Variants in CNTLN observed in about 807,000 individuals in gnomAD.
CNTLN encodes centlein, centrosomal protein.
Under a neutral mutation model 180.0 loss-of-function variants are expected in CNTLN, and 212 were observed. The observed-to-expected ratio is 1.18, with a 90% CI of 1.05 to 1.32. CNTLN has a LOEUF of 1.32. CNTLN is among the 40% of genes most tolerant of loss of function. CNTLN has a pLI of 0.00. For missense variants in CNTLN, 2,095 were observed against 1,610.9 expected, an observed-to-expected ratio of 1.30 and a Z score of -5.14; for synonymous variants, 722 against 563.1, an observed-to-expected ratio of 1.28 and a Z score of -3.99.
intron 2 of CNTLN, among the ~76,000 whole-genome samples, chr9:17,203,388 T>G (rs1435164434): frequency 6.6e-6 from 1 of 151,934 alleles, no homozygotes; most frequent in African/African-American, 2.4e-5. Flanking sequence ...CCTGTCTTGC[T>G]AGGTTGGGGA....
intron 14 of CNTLN, among the ~76,000 whole-genome samples, chr9:17,392,646 A>G (rs188797010): frequency 2.0e-5 from 3 of 152,272 alleles, no homozygotes; most frequent in African/African-American, 7.2e-5. Context: ...TTAAGGACAT[A>G]GGTCCAATAG....
intron 5 of CNTLN, among the ~76,000 whole-genome samples, chr9:17,262,967 A>G (rs1017450258): frequency 4.0e-5 from 6 of 151,324 alleles, no homozygotes; most frequent in Non-Finnish European, 7.4e-5. Context: ...TGAGATGATC[A>G]TATGGTTTTG....
intron 5 of CNTLN, among the ~76,000 whole-genome samples, chr9:17,243,064 G>C (rs1825593917): frequency 6.6e-6 from 1 of 152,086 alleles, no homozygotes; most frequent in African/African-American, 2.4e-5. Flanking sequence ...TGTCTTAGTA[G>C]GTTGTATGTG....
intron 1 of CNTLN, among the ~76,000 whole-genome samples, chr9:17,142,083 G>GACA (rs1818142907): frequency 1.7e-5 from 1 of 57,732 alleles, no homozygotes; most frequent in African/African-American, 6.3e-5. Context: ...CTCTGTCTCA[G>GACA]AAAAAAAAAA....
intron 12 of CNTLN, among the ~76,000 whole-genome samples, chr9:17,351,714 T>C (rs1188204507): frequency 6.6e-6 from 1 of 152,164 alleles, no homozygotes; most frequent in Non-Finnish European, 1.5e-5. Flanking sequence ...CTCATAAACA[T>C]CTGCATCCAC....
intron 8 of CNTLN, among the ~76,000 whole-genome samples, chr9:17,314,223 T>C (rs1359150837): frequency 6.6e-6 from 1 of 152,180 alleles, no homozygotes; most frequent in East Asian, 1.9e-4. Flanking sequence ...AATCCGTATT[T>C]TCCTTCTCTA....
At chr9:17,258,277 C>G (rs957192390) in intron 5 of CNTLN, among the ~76,000 whole-genome samples, 2 of 146,224 alleles carry the variant, frequency 1.4e-5, no homozygotes, top group African/African-American at 2.7e-5. Context: ...TGTCAAAGAT[C>G]AGATAGTTGT....
At chr9:17,290,665 C>T (rs1400605926) in intron 6 of CNTLN, among the ~76,000 whole-genome samples, 20 of 149,844 alleles carry the variant, frequency 1.3e-4, no homozygotes, top group South Asian at 1.1e-3. Context: ...AGCGAGACTC[C>T]GTGGGCGTAG....
At chr9:17,265,101 G>T (rs909167195) in intron 5 of CNTLN, among the ~76,000 whole-genome samples, 4 of 148,220 alleles carry the variant, frequency 2.7e-5, no homozygotes, top group African/African-American at 1.0e-4. Context: ...GTGAGAGAGG[G>T]CATCCCTGTC....
chr9:17,298,487 T>G (rs1027235914), intron 7 of CNTLN, 135 bp downstream of exon 7: 10 of 1,333,144 alleles, frequency 7.5e-6, no homozygotes, highest in Non-Finnish European at 9.7e-6. Context: ...AATTTAGAAG[T>G]GAAGGATGGT....
At chr9:17,496,712 T>G (rs1336238139) in intron 25 of CNTLN, among the ~76,000 whole-genome samples, 2 of 152,220 alleles carry the variant, frequency 1.3e-5, no homozygotes, top group Non-Finnish European at 2.9e-5. Context: ...GCCCCCAAAT[T>G]CTTTCTTTAA....
At position 17,347,057 on chromosome 9, in the gene CNTLN, C is replaced by T. The variant is rs80084886; in HGVS notation, c.1886+4613C>T. On this transcript the variant is annotated intron_variant, in intron 12 of 25. Transcript: ENST00000380647. ...TTGTAATTTTTAGTTCTAAAATTTC[C>T]ATTGGGTTCTTCTTTATGTATAATT... is the stretch of plus-strand genomic sequence containing the variant. Among the ~76,000 whole-genome samples the T allele has an allele frequency of 0.018, 2,688 of 152,100 alleles. 154 individuals are homozygous for T. In the East Asian group the frequency reaches 0.23, roughly 13 times the overall value.
chr9:17,141,742 A>G (rs1293801530), intron 1 of CNTLN, among the ~76,000 whole-genome samples: 3 of 152,082 alleles, frequency 2.0e-5, no homozygotes, highest in Non-Finnish European at 4.4e-5. Flanking sequence ...GTAGATAAGG[A>G]CAGTAGGGTT....
intron 2 of CNTLN, among the ~76,000 whole-genome samples, chr9:17,181,716 C>T (rs924396144): frequency 3.9e-5 from 6 of 152,176 alleles, no homozygotes; most frequent in South Asian, 4.1e-4. Context: ...TATTTACTGC[C>T]GGAAGAGTTT....
intron 5 of CNTLN, among the ~76,000 whole-genome samples, chr9:17,251,528 C>A (rs1461163197): frequency 1.3e-5 from 2 of 151,808 alleles, no homozygotes; most frequent in Non-Finnish European, 2.9e-5. Context: ...GCTGAACCCT[C>A]TAGTGAAAAT....
intron 15 of CNTLN, among the ~76,000 whole-genome samples, chr9:17,407,316 A>G (rs537931806): frequency 9.8e-5 from 15 of 152,360 alleles, no homozygotes; most frequent in Non-Finnish European, 1.6e-4. Flanking sequence ...TAAAAGAAGT[A>G]GTGATTTCTC....
intron 8 of CNTLN, among the ~76,000 whole-genome samples, chr9:17,316,483 T>G (rs1819546221): frequency 6.6e-6 from 1 of 152,092 alleles, no homozygotes; most frequent in Admixed American, 6.5e-5. Flanking sequence ...TTGAAAATAT[T>G]GCAAGTTGAA....
chr9:17,269,976 A>G (rs188746700), intron 5 of CNTLN, among the ~76,000 whole-genome samples: 194 of 152,260 alleles, frequency 1.3e-3, no homozygotes, highest in African/African-American at 4.3e-3. Flanking sequence ...TTTATAGAAA[A>G]TCATCTGAGT....
intron 5 of CNTLN, among the ~76,000 whole-genome samples, chr9:17,257,019 A>G (rs1826546958): frequency 6.6e-6 from 1 of 151,902 alleles, no homozygotes; most frequent in African/African-American, 2.4e-5. Context: ...GTACATGTGC[A>G]CATTGTGCAG....
Sources: gnomAD v4.1 joint callset for allele counts (sites outside exome capture counted in the v4.1 genomes callset) on GRCh38, gnomAD v4.1.1 for gene constraint, MANE v1.5 for transcripts, NCBI Gene and HGNC (gene_info 2026-07-23, HGNC 2026-07-21) for gene names.